The following SIPA1L2 variants were observed in gnomAD, a reference collection of about 807,000 sequenced individuals.
The protein encoded by SIPA1L2 is signal-induced proliferation-associated 1-like protein 2.
Under a neutral mutation model 163.9 loss-of-function variants are expected in SIPA1L2, and 56 were observed. That is an observed-to-expected ratio of 0.34 (90% CI 0.28 to 0.43). SIPA1L2 has a LOEUF of 0.43. SIPA1L2 is among the 20% of genes least tolerant of loss of function. The pLI, the probability that SIPA1L2 is intolerant of heterozygous loss-of-function variation, is 1.00. For synonymous variants in SIPA1L2, 877 were observed against 865.7 expected (o/e 1.01, Z -0.23); for missense variants, 1,974 against 2,193.5 (o/e 0.90, Z 2.00).
intron 10 of SIPA1L2, among the ~76,000 whole-genome samples, chr1:232,454,638 A>G (rs977538645): frequency 6.6e-5 from 10 of 152,170 alleles, no homozygotes; most frequent in African/African-American, 2.4e-4. Flanking sequence ...CCACGGTGTA[A>G]CCTGTCAAGC....
intron 3 of SIPA1L2, among the ~76,000 whole-genome samples, chr1:232,505,562 G>GC (rs1242607969): frequency 6.6e-6 from 1 of 152,226 alleles, no homozygotes; most frequent in African/African-American, 2.4e-5. Flanking sequence ...CATACAGACA[G>GC]CCCTTTGTGG....
At chr1:232,512,785 T>C (rs896922329) in intron 3 of SIPA1L2, among the ~76,000 whole-genome samples, 1 of 152,112 alleles carries the variant, frequency 6.6e-6, no homozygotes, top group Non-Finnish European at 1.5e-5. Flanking sequence ...TCAGAACATG[T>C]ATCCCAGAAC....
chr1:232,479,483 T>C lies in SIPA1L2; in HGVS notation c.2085+144A>G, dbSNP rs965190760. 117 of 659,746 alleles carry C rather than the reference T, an allele frequency of 1.8e-4. 1 individual carries two copies. Among genetic ancestry groups the C allele is most frequent in the Non-Finnish European group, 2.4e-4 (89 of 378,692 alleles). 40.9% of individuals were successfully genotyped at this position (659,746 alleles called of 1,614,324 possible). ...CCTTTAAAGCCCAAATACTTCCAAA[T>C]GATCAAAGAGTCAAAGATGATTAAT... On this transcript the variant is annotated intron_variant, in intron 7 of 22. Coordinates refer to ENST00000674635, the MANE Select transcript of SIPA1L2 (RefSeq NM_020808.5).
At chr1:232,513,760 C>T (rs1667085581) in intron 3 of SIPA1L2, 97 bp downstream of exon 3, 2 of 1,316,060 alleles carry the variant, frequency 1.5e-6, no homozygotes, top group Non-Finnish European at 2.1e-6. Flanking sequence ...GCCTTGGACA[C>T]TCTGAGGAAG....
intron 3 of SIPA1L2, among the ~76,000 whole-genome samples, chr1:232,510,798 T>C (rs2103036871): frequency 6.6e-6 from 1 of 152,284 alleles, no homozygotes; most frequent in East Asian, 1.9e-4. Context: ...ACAACAGTTT[T>C]TCATTCCACT....
At chr1:232,574,419 C>T (rs1333429567) in intron 1 of SIPA1L2, among the ~76,000 whole-genome samples, 197 bp from the exon 2 acceptor site, 1 of 150,480 alleles carries the variant, frequency 6.6e-6, no homozygotes, top group Non-Finnish European at 1.5e-5. Context: ...GAGGAACATA[C>T]GATAGCACAA....
chr1:232,494,922 G>A (rs532503514), intron 3 of SIPA1L2, among the ~76,000 whole-genome samples: 54 of 151,998 alleles, frequency 3.6e-4, no homozygotes, highest in Non-Finnish European at 6.5e-4. Flanking sequence ...TTTTCACCCT[G>A]ACTTAAGGTT....
At chr1:232,475,496 C>T (rs1665002262) in intron 7 of SIPA1L2, among the ~76,000 whole-genome samples, 1 of 152,108 alleles carries the variant, frequency 6.6e-6, no homozygotes, top group African/African-American at 2.4e-5. Flanking sequence ...TATAGAGTTT[C>T]CTACGGAAAA....
At position 232,437,684 on chromosome 1, in the gene SIPA1L2, C is replaced by T. The variant is rs115592203; in HGVS notation, c.4031+1424G>A. On this transcript the variant is annotated intron_variant, in intron 15 of 22. Transcript: ENST00000674635. ...GGCTGAGGGCCCCAAGTGCCGTAGA[C>T]GATGCTACCCCCTAACCACGTGATT... 5.2e-3 allele frequency among the ~76,000 whole-genome samples: 789 copies of T among 152,186 alleles called. 7 individuals are homozygous for T. Among genetic ancestry groups the T allele is most frequent in the African/African-American group, 0.018 (737 of 41,540 alleles).
At position 232,514,307 on chromosome 1, in the gene SIPA1L2, T is replaced by C. The variant is rs992452748; in HGVS notation, c.1033A>G (p.Met345Val). ...TTCCCCACATTAGCCCTCGTAGCCA[T>C]GGCTTCGTTGATATTAAACAAAATG... ...QSILFNINEA[M>V]ATRANVGKRK... The change falls in exon 3 of 23, where the codon ATG becomes GTG. Residue 345 changes from methionine (M) to valine (V), a missense_variant. Around this residue, in one of 3 missense-constraint regions of SIPA1L2, gnomAD observed 607 missense variants for 624.0 expected, o/e 0.97. Coordinates refer to ENST00000674635, the MANE Select transcript of SIPA1L2 (RefSeq NM_020808.5). 13 of 1,613,432 alleles carry C rather than the reference T, an allele frequency of 8.1e-6. No homozygotes were observed. The highest frequency in any genetic ancestry group is 3.3e-5 in the Admixed American group (2 of 60,012).
chr1:232,480,086 C>A (rs1405867173), intron 6 of SIPA1L2, among the ~76,000 whole-genome samples: 1 of 151,774 alleles, frequency 6.6e-6, no homozygotes, highest in Non-Finnish European at 1.5e-5. Context: ...TGGTCCAGGT[C>A]TGGGTGCAAT....
Position 232,491,670 on chromosome 1 carries a change from G to A in SIPA1L2, c.1618-608C>T, listed in dbSNP as rs1186698640. Among the ~76,000 whole-genome samples the A allele has an allele frequency of 3.3e-5, 5 of 152,232 alleles. 1 individual carries two copies. Among genetic ancestry groups the A allele is most frequent in the South Asian group, 4.1e-4 (2 of 4,824 alleles). On this transcript the variant is annotated intron_variant, in intron 4 of 22. Transcript: ENST00000674635. ...AACATGCAATGAATATTTGGAGCAC[G>A]TGCCTAAGATCTAATATGATGAGAG...
intron 3 of SIPA1L2, among the ~76,000 whole-genome samples, chr1:232,509,899 G>A (rs10797574): frequency 0.91 from 138,850 of 152,184 alleles, 64,006 homozygotes; most frequent in African/African-American, 0.97. Flanking sequence ...CCTTCTTCTC[G>A]CTCCTGGTGG....
intron 12 of SIPA1L2, among the ~76,000 whole-genome samples, chr1:232,442,377 G>A (rs1210078458): frequency 1.3e-5 from 2 of 151,452 alleles, no homozygotes; most frequent in Non-Finnish European, 1.5e-5. Flanking sequence ...GTGAAACCTC[G>A]TCTCTACTAA....
At position 232,445,654 on chromosome 1, in the gene SIPA1L2, G is replaced by A. The variant is rs1376843265; in HGVS notation, c.3228C>T (p.Pro1076=). 6.2e-7 allele frequency: 1 copy of A among 1,613,722 alleles called. No individual in the cohort carries two copies. The highest frequency in any genetic ancestry group is 8.5e-7 in the Non-Finnish European group (1 of 1,179,858). The change falls in exon 11 of 23, where the codon CCC becomes CCT. Residue 1076 remains proline (P), a synonymous_variant. Coordinates refer to ENST00000674635, the MANE Select transcript of SIPA1L2 (RefSeq NM_020808.5). ...WHRVPTPALQ[P]LSRASPIPGT... Reference sequence around the variant, plus strand: ...CGGGGATGGGGGAAGCTCTAGAGAGGGGCTGCAGGGCAGGAGTGGGCACCC... The same window carrying A: ...CGGGGATGGGGGAAGCTCTAGAGAGAGGCTGCAGGGCAGGAGTGGGCACCC...
chr1:232,588,620 AAAG>A (rs1345218206), intron 1 of SIPA1L2, among the ~76,000 whole-genome samples: 5 of 152,230 alleles, frequency 3.3e-5, no homozygotes, highest in Admixed American at 6.5e-5. Context: ...GTGTTATATC[AAAG>A]AAGATCCACT....
intron 1 of SIPA1L2, among the ~76,000 whole-genome samples, chr1:232,588,969 T>C (rs112335522): frequency 6.6e-6 from 1 of 152,312 alleles, no homozygotes; most frequent in African/African-American, 2.4e-5. Context: ...GATTATGTGA[T>C]TGATAGAACT....
chr1:232,600,393 T>C (rs1661530460), intron 1 of SIPA1L2, among the ~76,000 whole-genome samples: 1 of 152,208 alleles, frequency 6.6e-6, no homozygotes, highest in South Asian at 2.1e-4. Context: ...TTTCATCAGG[T>C]ATTTTTAACT....
chr1:232,400,859 C>T (rs920006877), intron 22 of SIPA1L2, among the ~76,000 whole-genome samples: 5 of 152,140 alleles, frequency 3.3e-5, no homozygotes, highest in African/African-American at 1.2e-4. Context: ...TCAATGACTG[C>T]ACCTCTTCCT....
Sources: allele counts gnomAD v4.1 joint callset (sites outside exome capture counted in the v4.1 genomes callset), GRCh38; gene constraint gnomAD v4.1.1; regional missense constraint gnomAD v4.1.1; transcripts MANE v1.5; gene names NCBI Gene and HGNC (gene_info 2026-07-23, HGNC 2026-07-21).